WWC2: variants seen among roughly 807,000 people sequenced by gnomAD.
WWC2 encodes protein WWC2.
Under a neutral mutation model 138.5 loss-of-function variants are expected in WWC2, and 101 were observed. The observed-to-expected ratio is 0.73, with a 90% confidence interval of 0.62 to 0.86. The LOEUF is 0.86. WWC2 is among the 40% of genes least tolerant of loss of function. The pLI, the probability that WWC2 is intolerant of heterozygous loss-of-function variation, is 0.00. For missense variants in WWC2, 1,420 were observed against 1,419.4 expected, an observed-to-expected ratio of 1.00 and a Z score of -0.01; for synonymous variants, 558 against 538.4, an observed-to-expected ratio of 1.04 and a Z score of -0.50.
intron 21 of WWC2, among the ~76,000 whole-genome samples, chr4:183,290,717 A>G (rs765223494): frequency 2.0e-5 from 3 of 152,234 alleles, no homozygotes; most frequent in Non-Finnish European, 2.9e-5. Flanking sequence ...AAATACTAAT[A>G]TTACAAATGC....
intron 1 of WWC2, among the ~76,000 whole-genome samples, chr4:183,141,751 A>T (rs967555602): frequency 1.3e-5 from 2 of 152,238 alleles, no homozygotes; most frequent in African/African-American, 4.8e-5. Flanking sequence ...GTAGATATAC[A>T]GTTCTGATAT....
In WWC2 at chr4:183,315,693, G is replaced by A. The variant is rs1482735199; in HGVS notation, c.3543G>A (p.Lys1181=). ...AGATTGCCTACTTCACCAGAGCAAA[G>A]ATAAGCATCCCATCCCTGCCAGCTG... ...REKIAYFTRA[K]ISIPSLPADD... is the part of the protein sequence containing the mutation. Residue 1181 remains lysine (K), a synonymous_variant, in exon 23 of 23, where the codon AAG becomes AAA. Transcript: ENST00000403733. The A allele has an allele frequency of 6.2e-7, 1 of 1,613,470 alleles. No individual in the cohort carries two copies. Among genetic ancestry groups the A allele is most frequent in the Admixed American group, 1.7e-5 (1 of 59,968 alleles).
intron 14 of WWC2, among the ~76,000 whole-genome samples, chr4:183,267,368 C>T (rs570441268): frequency 8.5e-5 from 13 of 152,288 alleles, no homozygotes; most frequent in East Asian, 5.8e-4. Context: ...CACCAGTCAG[C>T]GGTGTCCAGG....
At chr4:183,118,336 T>C (rs1189457438) in intron 1 of WWC2, among the ~76,000 whole-genome samples, 1 of 152,236 alleles carries the variant, frequency 6.6e-6, no homozygotes, top group Non-Finnish European at 1.5e-5. Context: ...GTCACTAAAC[T>C]ATGGTTAAAG....
intron 1 of WWC2, among the ~76,000 whole-genome samples, chr4:183,119,213 G>T (rs964773497): frequency 6.6e-6 from 1 of 152,142 alleles, no homozygotes; most frequent in African/African-American, 2.4e-5. Context: ...TGGCCCTGCC[G>T]TTAAGATGAA....
chr4:183,173,368 A>T (rs4450976), intron 1 of WWC2, among the ~76,000 whole-genome samples: 144,754 of 152,166 alleles, frequency 0.95, 69,287 homozygotes, highest in Non-Finnish European at 1. Flanking sequence ...TTTTCTTTTG[A>T]TAGTAACCTG....
intron 21 of WWC2, among the ~76,000 whole-genome samples, chr4:183,308,263 A>G (rs922974657): frequency 6.6e-6 from 1 of 152,228 alleles, no homozygotes; most frequent in African/African-American, 2.4e-5. Flanking sequence ...GTTTATGTAT[A>G]GGAAGACTCA....
intron 1 of WWC2, among the ~76,000 whole-genome samples, chr4:183,154,050 T>TATAA (rs1733726984): frequency 6.7e-6 from 1 of 149,564 alleles, no homozygotes; most frequent in Non-Finnish European, 1.5e-5. Context: ...ATTCATCATT[T>TATAA]AGTTCCTTTT....
At chr4:183,180,827 G>C (rs1734610571) in intron 1 of WWC2, among the ~76,000 whole-genome samples, 1 of 151,454 alleles carries the variant, frequency 6.6e-6, no homozygotes, top group African/African-American at 2.4e-5. Context: ...CTGGGGCGGG[G>C]GCGGGGAGAT....
intron 8 of WWC2, among the ~76,000 whole-genome samples, chr4:183,251,203 T>C (rs1736969118): frequency 1.3e-5 from 2 of 152,268 alleles, no homozygotes; most frequent in African/African-American, 2.4e-5. Context: ...CCCAGATTAG[T>C]GCCTTCCCTT....
At chr4:183,216,293 A>G (rs191925534) in intron 4 of WWC2, among the ~76,000 whole-genome samples, 4 of 152,334 alleles carry the variant, frequency 2.6e-5, no homozygotes, top group Admixed American at 2.0e-4. Context: ...TAATGAAGGC[A>G]TCAGAATTTT....
intron 16 of WWC2, among the ~76,000 whole-genome samples, chr4:183,278,443 A>G (rs1737941616): frequency 6.6e-6 from 1 of 152,052 alleles, no homozygotes; most frequent in Non-Finnish European, 1.5e-5. Flanking sequence ...TTGGCTTAGG[A>G]TTGACTTGGC....
intron 4 of WWC2, among the ~76,000 whole-genome samples, chr4:183,220,605 T>C (rs548076792): frequency 6.0e-4 from 89 of 149,560 alleles, no homozygotes; most frequent in South Asian, 3.0e-3. Flanking sequence ...GAGGTCAAGG[T>C]GGGCAGATCA....
chr4:183,265,643 G>A (rs753697897), intron 12 of WWC2, 45 bp from the exon 13 acceptor site: 12 of 1,553,374 alleles, frequency 7.7e-6, no homozygotes, highest in East Asian at 7.0e-5. Context: ...CATAACAATC[G>A]ATAACCCCAT....
At chr4:183,179,219 G>A (rs1280364013) in intron 1 of WWC2, among the ~76,000 whole-genome samples, 1 of 152,172 alleles carries the variant, frequency 6.6e-6, no homozygotes, top group Non-Finnish European at 1.5e-5. Context: ...CTGCCCCGGT[G>A]GTCGTGGATA....
intron 22 of WWC2, among the ~76,000 whole-genome samples, chr4:183,312,769 C>CT (rs1218929603): frequency 1.3e-5 from 2 of 152,152 alleles, no homozygotes; most frequent in East Asian, 3.9e-4. Context: ...ACTCAGACAT[C>CT]TTTGGGATTT....
At position 183,247,623 on chromosome 4, in the gene WWC2, C is replaced by CTATATATAGTA. The variant is rs1553971250; in HGVS notation, c.733-1085_733-1084insTAGTATATATA. ...ATATATGCTATATATACTATATATA[C>CTATATATAGTA]TATATACTATATATACTATATATAC... On this transcript the variant is annotated intron_variant, in intron 6 of 22. Coordinates refer to ENST00000403733, the MANE Select transcript of WWC2 (RefSeq NM_024949.6). 2.7e-3 allele frequency among the ~76,000 whole-genome samples: 346 copies of CTATATATAGTA among 126,960 alleles called. 6 individuals carry two copies. Among genetic ancestry groups the CTATATATAGTA allele is most frequent in the African/African-American group, 0.01 (316 of 30,446 alleles). 83.3% of individuals were successfully genotyped at this position (126,960 alleles called of 152,430 possible).
intron 1 of WWC2, among the ~76,000 whole-genome samples, chr4:183,100,059 C>G (rs568758555): frequency 1.3e-5 from 2 of 152,322 alleles, no homozygotes; most frequent in African/African-American, 4.8e-5. Flanking sequence ...TCAGGCCGTC[C>G]TTGGCGCGGG....
intron 16 of WWC2, among the ~76,000 whole-genome samples, chr4:183,272,749 A>G (rs1325442852): frequency 6.6e-6 from 1 of 152,162 alleles, no homozygotes; most frequent in Non-Finnish European, 1.5e-5. Context: ...TTAGCATAAT[A>G]TTTTCAAGGT....
Sources: allele counts gnomAD v4.1 joint callset (sites outside exome capture counted in the v4.1 genomes callset), GRCh38; gene constraint gnomAD v4.1.1; transcripts MANE v1.5; gene names NCBI Gene and HGNC (gene_info 2026-07-23, HGNC 2026-07-21).